Variants in MBOAT1 observed in about 807,000 individuals in gnomAD.
The protein encoded by MBOAT1 is membrane-bound glycerophospholipid O-acyltransferase 1.
MBOAT1 carries 67 observed loss-of-function variants against 64.4 expected under a neutral mutation model. That is an observed-to-expected ratio of 1.04 (90% CI 0.85 to 1.27). The LOEUF (loss-of-function observed/expected upper bound fraction) is 1.27. MBOAT1 is among the 50% of genes most tolerant of loss of function. The pLI is 0.00. For synonymous variants in MBOAT1, 229 were observed against 218.9 expected (o/e 1.05, Z -0.41); for missense variants, 563 against 604.6 (o/e 0.93, Z 0.72).
At chr6:20,185,564 A>T (rs1161450263) in intron 1 of MBOAT1, among the ~76,000 whole-genome samples, 2 of 152,138 alleles carry the variant, frequency 1.3e-5, no homozygotes, top group African/African-American at 4.8e-5. Context: ...CAGATTTTAG[A>T]CTTGTCAAGC....
chr6:20,165,512 G>A (rs191316512), intron 1 of MBOAT1, among the ~76,000 whole-genome samples: 91 of 152,234 alleles, frequency 6.0e-4, no homozygotes, highest in African/African-American at 2.1e-3. Flanking sequence ...GGAGGCTGAG[G>A]CGGGTGGATC....
chr6:20,168,631 GAGAAGAGAA>G (rs879813310), intron 1 of MBOAT1, among the ~76,000 whole-genome samples: 3,180 of 130,550 alleles, frequency 0.024, 113 homozygotes, highest in Non-Finnish European at 0.038. Context: ...GAGAAGAGAA[GAGAAGAGAA>G]GAGAGGAGAG....
chr6:20,157,277 A>G (rs1158724311), intron 1 of MBOAT1, among the ~76,000 whole-genome samples: 1 of 152,116 alleles, frequency 6.6e-6, no homozygotes, highest in African/African-American at 2.4e-5. Context: ...CACAACAGAG[A>G]CCTTGTTTCT....
chr6:20,182,864 T>C (rs1003120602), intron 1 of MBOAT1, among the ~76,000 whole-genome samples: 2 of 152,198 alleles, frequency 1.3e-5, no homozygotes, highest in African/African-American at 2.4e-5. Context: ...TTCCGATTGA[T>C]TGTCAACTCA....
At chr6:20,108,089 C>A (rs1760014110) in intron 12 of MBOAT1, among the ~76,000 whole-genome samples, 1 of 152,110 alleles carries the variant, frequency 6.6e-6, no homozygotes, top group African/African-American at 2.4e-5. Flanking sequence ...GAGGAGGGAG[C>A]CCCAGTGAAG....
chr6:20,144,928 C>T (rs1252874084), intron 3 of MBOAT1, among the ~76,000 whole-genome samples: 1 of 152,148 alleles, frequency 6.6e-6, no homozygotes, highest in African/African-American at 2.4e-5. Flanking sequence ...TCAATTACCA[C>T]TTACTCATGA....
chr6:20,172,631 A>C (rs1197185543), intron 1 of MBOAT1, among the ~76,000 whole-genome samples: 1 of 152,014 alleles, frequency 6.6e-6, no homozygotes, highest in Non-Finnish European at 1.5e-5. Context: ...TTGTGTGCTT[A>C]AGGTTTTTTT....
At position 20,102,154 on chromosome 6, in the gene MBOAT1, G is replaced by A; in HGVS notation, c.*132C>T. 1 of 425,730 alleles carries A rather than the reference G, an allele frequency of 2.3e-6. No homozygotes were observed. Among genetic ancestry groups the A allele is most frequent in the East Asian group, 4.6e-5 (1 of 21,942 alleles). The allele number at this position is 425,730 out of a possible 1,614,324, so 26.4% of individuals were successfully genotyped here. A position where few individuals can be genotyped will look rare whatever the true frequency, so the allele number is the denominator to read the frequency against. On this transcript the variant is annotated 3_prime_UTR_variant, in exon 13 of 13. Coordinates refer to ENST00000324607, the MANE Select transcript of MBOAT1 (RefSeq NM_001080480.3). The stretch of plus-strand genomic sequence containing the variant: ...AAAAAAAAAAAAAAAAATACTCCCT[G>A]CACTTTAAAAAAGAACAAAATAAAG...
At chr6:20,114,655 G>A (rs1760267701) in intron 10 of MBOAT1, among the ~76,000 whole-genome samples, 1 of 152,028 alleles carries the variant, frequency 6.6e-6, no homozygotes, top group Admixed American at 6.6e-5. Context: ...GGCCAAGGTG[G>A]GTAGATCACC....
rs1385408168 is a variant in MBOAT1, at chr6:20,109,627, C to G, written c.1332G>C (p.Leu444Phe). 1 of 1,613,598 alleles carries G rather than the reference C, an allele frequency of 6.2e-7. No individual in the cohort carries two copies. The highest frequency in any genetic ancestry group is 1.7e-5 in the Admixed American group (1 of 59,956). ...ATAAGCTGATGGTCGGTTCAACTGC[C>G]AACATCACAAAGGGTGCTACCGTGT... ...VSYTVAPFVM[L>F]AVEPTISLYK... Residue 444 changes from leucine to phenylalanine, a missense_variant, in exon 12 of 13, where the codon TTG becomes TTC. Coordinates refer to ENST00000324607, the MANE Select transcript of MBOAT1 (RefSeq NM_001080480.3).
intron 1 of MBOAT1, among the ~76,000 whole-genome samples, chr6:20,209,138 A>G (rs765534124): frequency 2.1e-4 from 32 of 152,192 alleles, no homozygotes; most frequent in Non-Finnish European, 4.1e-4. Context: ...CCATAACTCC[A>G]TATTTGCTCA....
At chr6:20,129,977 G>C (rs990109754) in intron 5 of MBOAT1, among the ~76,000 whole-genome samples, 1 of 152,160 alleles carries the variant, frequency 6.6e-6, no homozygotes, top group Non-Finnish European at 1.5e-5. Context: ...GTTCTCTACA[G>C]AATGACTAAA....
At chr6:20,205,515 A>G (rs139264773) in intron 1 of MBOAT1, among the ~76,000 whole-genome samples, 7 of 152,170 alleles carry the variant, frequency 4.6e-5, no homozygotes, top group Non-Finnish European at 1.0e-4. Context: ...CCTCCCTTCA[A>G]TTATCGTCAA....
intron 9 of MBOAT1, among the ~76,000 whole-genome samples, chr6:20,116,619 C>A (rs1368793916): frequency 6.6e-6 from 1 of 152,104 alleles, no homozygotes; most frequent in African/African-American, 2.4e-5. Context: ...TTATCTATTT[C>A]TTCTGCTAAT....
At chr6:20,116,377 T>A (rs2457332) in intron 9 of MBOAT1, among the ~76,000 whole-genome samples, 2 of 151,940 alleles carry the variant, frequency 1.3e-5, no homozygotes. Context: ...GATGCAAACA[T>A]ACAAGGATCA....
intron 1 of MBOAT1, among the ~76,000 whole-genome samples, chr6:20,168,635 A>AGAGGAGAG: frequency 1.9e-5 from 1 of 52,370 alleles, no homozygotes; most frequent in African/African-American, 6.0e-5. Flanking sequence ...AGAGAAGAGA[A>AGAGGAGAG]GAGAAGAGAG....
At chr6:20,164,993 T>C (rs1338457749) in intron 1 of MBOAT1, among the ~76,000 whole-genome samples, 1 of 152,196 alleles carries the variant, frequency 6.6e-6, no homozygotes, top group Non-Finnish European at 1.5e-5. Flanking sequence ...ATATTTAAGA[T>C]AGGGTAGGCT....
intron 1 of MBOAT1, among the ~76,000 whole-genome samples, chr6:20,178,678 T>C (rs1228250929): frequency 2.0e-5 from 3 of 152,222 alleles, no homozygotes; most frequent in Non-Finnish European, 4.4e-5. Context: ...GTTCTAAATA[T>C]GACGGTCCTT....
intron 1 of MBOAT1, among the ~76,000 whole-genome samples, chr6:20,195,196 G>C (rs1018677110): frequency 6.6e-5 from 10 of 152,146 alleles, no homozygotes; most frequent in African/African-American, 2.4e-4. Context: ...CAAGTGATCT[G>C]CCTGTCTCAG....
Sources: gnomAD v4.1 joint callset for allele counts (sites outside exome capture counted in the v4.1 genomes callset) on GRCh38, gnomAD v4.1.1 for gene constraint, MANE v1.5 for transcripts, NCBI Gene and HGNC (gene_info 2026-07-23, HGNC 2026-07-21) for gene names.